Variants in DISP1 observed in about 807,000 individuals in gnomAD.
DISP1 encodes dispatched RND transporter family member 1.
Under a neutral mutation model 37.3 loss-of-function variants are expected in DISP1, and 30 were observed. The observed-to-expected ratio is 0.80, with a 90% CI of 0.60 to 1.09. The LOEUF is 1.09. DISP1 is among the 50% of genes least tolerant of loss of function. The pLI is 0.00. For missense variants in DISP1, 1,598 were observed against 1,879.5 expected, an observed-to-expected ratio of 0.85 and a Z score of 2.77; for synonymous variants, 634 against 690.2, an observed-to-expected ratio of 0.92 and a Z score of 1.28.
chr1:222,974,784 T>C (rs144236680), intron 3 of DISP1, among the ~76,000 whole-genome samples: 1,574 of 152,342 alleles, frequency 0.01, 17 homozygotes, highest in Non-Finnish European at 0.017. Flanking sequence ...TTCATCTTCA[T>C]GATAGAGCCC....
chr1:222,843,483 C>T (rs1381640216), intron 1 of DISP1, among the ~76,000 whole-genome samples: 1 of 148,972 alleles, frequency 6.7e-6, no homozygotes, highest in African/African-American at 2.5e-5. Flanking sequence ...TAAAAATTTA[C>T]TGAGTGATCT....
intron 1 of DISP1, among the ~76,000 whole-genome samples, chr1:222,847,227 A>G (rs918006830): frequency 1.3e-5 from 2 of 152,186 alleles, no homozygotes; most frequent in African/African-American, 4.8e-5. Context: ...ACATGTCCTC[A>G]TAGTTATTTG....
chr1:222,973,492 T>C (rs1677098037), intron 3 of DISP1, among the ~76,000 whole-genome samples: 1 of 152,208 alleles, frequency 6.6e-6, no homozygotes, highest in East Asian at 1.9e-4. Context: ...TATGTGTATG[T>C]ATATGTTTGT....
chr1:222,850,508 G>A (rs150147133), intron 1 of DISP1, among the ~76,000 whole-genome samples: 2 of 151,898 alleles, frequency 1.3e-5, no homozygotes, highest in East Asian at 1.9e-4. Flanking sequence ...CATGTATCAT[G>A]GGGTTTTTTT....
At chr1:222,852,737 G>A (rs34962524) in intron 1 of DISP1, among the ~76,000 whole-genome samples, 17,112 of 152,106 alleles carry the variant, frequency 0.11, 1,350 homozygotes, top group Non-Finnish European at 0.16. Flanking sequence ...TAAGACCTTG[G>A]CTCTCCTGGG....
At chr1:222,953,921 C>T (rs779519484) in intron 3 of DISP1, among the ~76,000 whole-genome samples, 2 of 151,962 alleles carry the variant, frequency 1.3e-5, no homozygotes, top group African/African-American at 2.4e-5. Flanking sequence ...TAATAATGAA[C>T]GTCAGAAAAC....
At chr1:223,000,342 G>GT (rs1015387567) in intron 8 of DISP1, among the ~76,000 whole-genome samples, 1 of 152,134 alleles carries the variant, frequency 6.6e-6, no homozygotes, top group Non-Finnish European at 1.5e-5. Flanking sequence ...CCATTCCAGG[G>GT]TTTCCTGTTG....
At chr1:222,886,268 A>G (rs966399651) in intron 1 of DISP1, among the ~76,000 whole-genome samples, 1 of 152,250 alleles carries the variant, frequency 6.6e-6, no homozygotes, top group Admixed American at 6.5e-5. Flanking sequence ...AGAGACAGCA[A>G]CAGAAGCAAC....
chr1:222,936,765 A>ATTATATATATCATATAT (rs1673806129), intron 2 of DISP1, among the ~76,000 whole-genome samples: 1 of 37,326 alleles, frequency 2.7e-5, no homozygotes, highest in East Asian at 9.3e-4. Context: ...TGATATATAA[A>ATTATATATATCATATAT]AATTATATAT....
chr1:222,976,477 G>C (rs927272295), intron 3 of DISP1, among the ~76,000 whole-genome samples: 4 of 152,008 alleles, frequency 2.6e-5, no homozygotes, highest in African/African-American at 9.7e-5. Flanking sequence ...TCCATCATCT[G>C]TTTGTCACGT....
chr1:222,936,180 A>G (rs770546218), intron 2 of DISP1, among the ~76,000 whole-genome samples: 37 of 152,198 alleles, frequency 2.4e-4, no homozygotes, highest in Admixed American at 5.2e-4. Flanking sequence ...TTTGTAGCCT[A>G]GGAGCAATAG....
chr1:222,844,195 C>G (rs971728402), intron 1 of DISP1, among the ~76,000 whole-genome samples: 3 of 151,798 alleles, frequency 2.0e-5, no homozygotes, highest in Non-Finnish European at 4.4e-5. Flanking sequence ...CTTTTTATTC[C>G]TTTGTGATGT....
intron 3 of DISP1, among the ~76,000 whole-genome samples, chr1:222,956,035 G>C (rs769620194): frequency 6.6e-6 from 1 of 152,174 alleles, no homozygotes; most frequent in Non-Finnish European, 1.5e-5. Flanking sequence ...GCAATTTACT[G>C]TTTCCAAGCA....
At chr1:222,998,690 T>C (rs1054349146) in intron 8 of DISP1, among the ~76,000 whole-genome samples, 1 of 152,124 alleles carries the variant, frequency 6.6e-6, no homozygotes, top group Non-Finnish European at 1.5e-5. Context: ...TCTCTAATCT[T>C]GACTCTGCTG....
chr1:222,886,654 G>T (rs1670617231), intron 1 of DISP1, among the ~76,000 whole-genome samples: 1 of 152,184 alleles, frequency 6.6e-6, no homozygotes, highest in African/African-American at 2.4e-5. Flanking sequence ...AAGCCAGATC[G>T]TACTTTGATG....
chr1:222,964,462 C>CT (rs370235954), intron 3 of DISP1, among the ~76,000 whole-genome samples: 4 of 151,532 alleles, frequency 2.6e-5, no homozygotes, highest in South Asian at 2.1e-4. Context: ...CTTGCTATAA[C>CT]TTTTTTTTTC....
intron 1 of DISP1, among the ~76,000 whole-genome samples, chr1:222,849,798 T>C (rs1267860508): frequency 6.6e-6 from 1 of 152,064 alleles, no homozygotes; most frequent in Non-Finnish European, 1.5e-5. Flanking sequence ...ATCATACCAG[T>C]TTTAGATCTC....
At chr1:222,849,447 A>G (rs113012497) in intron 1 of DISP1, among the ~76,000 whole-genome samples, 5 of 144,410 alleles carry the variant, frequency 3.5e-5, no homozygotes, top group African/African-American at 4.9e-5. Context: ...TTGAGATGCA[A>G]TAGACCAAAT....
chr1:222,991,703 C>T (rs2102745348), intron 6 of DISP1, 56 bp downstream of exon 6: 2 of 1,561,480 alleles, frequency 1.3e-6, no homozygotes, highest in East Asian at 2.3e-5. Flanking sequence ...TGAATGAATT[C>T]CTCTTCAAAT....
Sources: gnomAD v4.1 joint callset for allele counts (sites outside exome capture counted in the v4.1 genomes callset) on GRCh38, gnomAD v4.1.1 for gene constraint, MANE v1.5 for transcripts, NCBI Gene and HGNC (gene_info 2026-07-23, HGNC 2026-07-21) for gene names.